The following CFAP58 variants were observed in gnomAD, a reference collection of about 807,000 sequenced individuals.
The protein encoded by CFAP58 is cilia and flagella associated protein 58.
A neutral mutation model predicts 119.5 loss-of-function variants in CFAP58; 88 were observed. The ratio of observed to expected loss-of-function variants is 0.74; its 90% CI spans 0.62 to 0.88. The LOEUF (loss-of-function observed/expected upper bound fraction) is 0.88, where lower values mean the gene tolerates loss of function less well. CFAP58 is among the 40% of genes least tolerant of loss of function. The pLI is 0.00. For synonymous variants in CFAP58, 365 were observed against 366.3 expected (o/e 1.00, Z 0.04); for missense variants, 990 against 1,021.2 (o/e 0.97, Z 0.42).
chr10:104,362,266 T>C (rs2014677998), intron 3 of CFAP58, 95 bp downstream of exon 3: 2 of 1,056,400 alleles, frequency 1.9e-6, no homozygotes, highest in South Asian at 3.4e-5. Context: ...TCTTGAACAT[T>C]GTCTGTGATA....
At chr10:104,420,207 A>C (rs17828705) in intron 15 of CFAP58, among the ~76,000 whole-genome samples, 1,826 of 151,646 alleles carry the variant, frequency 0.012, 28 homozygotes, top group South Asian at 0.04. Flanking sequence ...AACTTGCCTG[A>C]GTGTACTTAA....
intron 15 of CFAP58, among the ~76,000 whole-genome samples, chr10:104,435,600 C>T (rs114528304): frequency 0.014 from 2,100 of 152,280 alleles, 30 homozygotes; most frequent in South Asian, 0.053. Flanking sequence ...CTCATCTTTT[C>T]GGGCTCAGAA....
intron 15 of CFAP58, among the ~76,000 whole-genome samples, chr10:104,409,166 A>T (rs1177161869): frequency 6.6e-6 from 1 of 152,110 alleles, no homozygotes; most frequent in Non-Finnish European, 1.5e-5. Context: ...TTTAGTCCTA[A>T]ATGTTGTATA....
At chr10:104,370,597 G>A (rs1474894261) in intron 6 of CFAP58, among the ~76,000 whole-genome samples, 1 of 152,144 alleles carries the variant, frequency 6.6e-6, no homozygotes. Context: ...GGGAATTCAA[G>A]GTGAGATTTG....
At chr10:104,359,658 G>A (rs898020170) in intron 2 of CFAP58, among the ~76,000 whole-genome samples, 8 of 152,114 alleles carry the variant, frequency 5.3e-5, no homozygotes, top group South Asian at 2.1e-4. Context: ...TTAGCTGGGC[G>A]TGGTGGCATA....
At chr10:104,420,796 A>C (rs1399750450) in intron 15 of CFAP58, among the ~76,000 whole-genome samples, 1 of 134,614 alleles carries the variant, frequency 7.4e-6, no homozygotes, top group African/African-American at 2.9e-5. Context: ...TCTGGTGTTC[A>C]GGCTGGAGTG....
chr10:104,382,704 T>C (rs983983769), intron 9 of CFAP58, among the ~76,000 whole-genome samples: 33 of 152,204 alleles, frequency 2.2e-4, no homozygotes, highest in African/African-American at 6.3e-4. Context: ...TGTGAACTGT[T>C]GGTTTTATAA....
intron 9 of CFAP58, among the ~76,000 whole-genome samples, chr10:104,386,811 A>G (rs1195571830): frequency 6.6e-6 from 1 of 152,252 alleles, no homozygotes; most frequent in Non-Finnish European, 1.5e-5. Context: ...TTTTCTAACA[A>G]TATATTTACT....
At chr10:104,358,683 T>C in intron 2 of CFAP58, 61 bp downstream of exon 2, 1 of 1,505,896 alleles carries the variant, frequency 6.6e-7, no homozygotes, top group Non-Finnish European at 9.1e-7. Context: ...CTCATTATAT[T>C]GGCACCTCTA....
chr10:104,420,340 G>A (rs2012635149), intron 15 of CFAP58, among the ~76,000 whole-genome samples: 1 of 152,122 alleles, frequency 6.6e-6, no homozygotes, highest in African/African-American at 2.4e-5. Flanking sequence ...AGAGATTGGC[G>A]CTGGTAAGCT....
chr10:104,375,571 T>C lies in CFAP58; in HGVS notation c.1091-1240T>C, dbSNP rs565788354. On this transcript the variant is annotated intron_variant, in intron 7 of 17. Transcript: ENST00000369704. ...CAGTGTTGATGAAATAATCAAACTC[T>C]GTAAAATATTTTAAGAGATTAATTC... Among the ~76,000 whole-genome samples, 505 of 152,286 alleles carry C rather than the reference T, an allele frequency of 3.3e-3. 3 individuals carry two copies. Among genetic ancestry groups the C allele is most frequent in the African/African-American group, 0.012 (492 of 41,544 alleles).
intron 15 of CFAP58, among the ~76,000 whole-genome samples, chr10:104,432,318 A>C (rs1017452748): frequency 2.0e-5 from 3 of 152,278 alleles, no homozygotes; most frequent in Admixed American, 2.0e-4. Context: ...ATTGGTAGAG[A>C]TAATAAGCAA....
chr10:104,357,926 C>CAT (rs1265108424), intron 1 of CFAP58, among the ~76,000 whole-genome samples: 1 of 100,742 alleles, frequency 9.9e-6, no homozygotes, highest in African/African-American at 5.3e-5. Flanking sequence ...TATATGTACA[C>CAT]ATATACACAC....
At chr10:104,372,359 T>TA (rs1564882769) in intron 7 of CFAP58, among the ~76,000 whole-genome samples, 2 of 151,712 alleles carry the variant, frequency 1.3e-5, no homozygotes, top group Middle Eastern at 3.4e-3. Context: ...TTTCAAAAAA[T>TA]AAAAAAGAAA....
intron 15 of CFAP58, among the ~76,000 whole-genome samples, chr10:104,444,885 C>G (rs1475176698): frequency 6.6e-6 from 1 of 152,192 alleles, no homozygotes; most frequent in South Asian, 2.1e-4. Flanking sequence ...TTATTTAATT[C>G]TCAGAACTTT....
Position 104,362,058 on chromosome 10 carries a change from C to T in CFAP58, c.327C>T (p.Ala109=), listed in dbSNP as rs1338546204. The T allele has an allele frequency of 1.9e-6, 3 of 1,614,080 alleles. No individual in the cohort carries two copies. Among genetic ancestry groups the T allele is most frequent in the Non-Finnish European group, 2.5e-6 (3 of 1,179,994 alleles). ...IEKAWKMVDS[A]YDKEQKAKET... is the part of the protein sequence containing the mutation. ...AGGCCTGGAAGATGGTGGACTCAGC[C>T]TATGACAAAGAGCAGAAGGCCAAGG... Residue 109 remains alanine (A), a synonymous_variant, in exon 3 of 18, where the codon GCC becomes GCT. Transcript: ENST00000369704.
At position 104,425,447 on chromosome 10, in the gene CFAP58, G is replaced by C. The variant is rs534072274; in HGVS notation, c.2256+18654G>C. On this transcript the variant is annotated intron_variant, in intron 15 of 17. Transcript: ENST00000369704. ...GAGACCAAGCATAGGCATTACACTA[G>C]CTCCAGGAGACAACTATGCACTCTA... Among the ~76,000 whole-genome samples, 73 of 152,278 alleles carry C rather than the reference G, an allele frequency of 4.8e-4. No individual in the cohort carries two copies. In the South Asian group the frequency reaches 0.015, roughly 31 times the overall value.
intron 1 of CFAP58, among the ~76,000 whole-genome samples, chr10:104,357,172 G>A (rs1013380067): frequency 3.9e-5 from 6 of 152,180 alleles, no homozygotes; most frequent in Non-Finnish European, 8.8e-5. Flanking sequence ...TAAGAATCCC[G>A]ATATAACTCA....
intron 7 of CFAP58, among the ~76,000 whole-genome samples, chr10:104,375,250 G>A (rs545589390): frequency 0.01 from 1,504 of 150,038 alleles, 32 homozygotes; most frequent in African/African-American, 0.035. Context: ...ATAAATATAT[G>A]TATTTATAAA....
Sources: allele counts gnomAD v4.1 joint callset (sites outside exome capture counted in the v4.1 genomes callset), GRCh38; gene constraint gnomAD v4.1.1; transcripts MANE v1.5; gene names NCBI Gene and HGNC (gene_info 2026-07-23, HGNC 2026-07-21).